The following A4GALT variants were observed in gnomAD, a reference collection of about 807,000 sequenced individuals.
A4GALT encodes lactosylceramide 4-alpha-galactosyltransferase.
For missense variants in A4GALT, 512 were observed against 486.0 expected (o/e 1.05, Z -0.50); for synonymous variants, 257 against 220.7 (o/e 1.16, Z -1.46).
intron 1 of A4GALT, among the ~76,000 whole-genome samples, chr22:42,713,830 AG>A (rs542736256): frequency 1.0e-5 from 1 of 97,592 alleles, no homozygotes; most frequent in Non-Finnish European, 2.5e-5. Flanking sequence ...AAAAAAAAAA[AG>A]ACAGACAGAC....
rs146048217 is a variant in A4GALT, at chr22:42,698,361, G to A, written c.-187-2730C>T. Among the ~76,000 whole-genome samples, 233 of 152,262 alleles carry A rather than the reference G, an allele frequency of 1.5e-3. 1 individual carries two copies. Among genetic ancestry groups the A allele is most frequent in the African/African-American group, 5.3e-3 (220 of 41,562 alleles). On this transcript the variant is annotated intron_variant, in intron 1 of 2. Transcript: ENST00000642412. ...ACCAGCTCTGCAGACCCCAACTAGG[G>A]GCATCAGCATCAGGGGCTAGGCCCA...
At chr22:42,715,252 C>G (rs767580527) in intron 1 of A4GALT, among the ~76,000 whole-genome samples, 3 of 151,942 alleles carry the variant, frequency 2.0e-5, no homozygotes, top group Admixed American at 6.6e-5. Context: ...TAGTTCCTGC[C>G]TTCATTTCAT....
At chr22:42,708,381 A>G (rs1921350007) in intron 1 of A4GALT, among the ~76,000 whole-genome samples, 2 of 151,722 alleles carry the variant, frequency 1.3e-5, no homozygotes, top group African/African-American at 2.4e-5. Flanking sequence ...TCCCTCTCAA[A>G]AAATAAAAAA....
At chr22:42,701,510 C>T (rs183500139) in intron 1 of A4GALT, among the ~76,000 whole-genome samples, 14 of 152,264 alleles carry the variant, frequency 9.2e-5, no homozygotes, top group African/African-American at 2.9e-4. Context: ...ATGCTCCCGC[C>T]GCAGCAGGAG....
At chr22:42,705,343 G>C (rs1920987746) in intron 1 of A4GALT, among the ~76,000 whole-genome samples, 1 of 152,222 alleles carries the variant, frequency 6.6e-6, no homozygotes, top group African/African-American at 2.4e-5. Context: ...GCTCATGCCT[G>C]TAATCTCAGC....
intron 1 of A4GALT, among the ~76,000 whole-genome samples, chr22:42,704,607 C>A (rs1311140991): frequency 1.3e-5 from 2 of 151,752 alleles, no homozygotes; most frequent in East Asian, 1.9e-4. Flanking sequence ...TCCTCCCAGG[C>A]CTTTAACACC....
chr22:42,717,413 T>C (rs940670990), intron 1 of A4GALT, among the ~76,000 whole-genome samples: 2 of 152,214 alleles, frequency 1.3e-5, no homozygotes, highest in South Asian at 2.1e-4. Flanking sequence ...CACCAAAGAC[T>C]GGGGCCCTCC....
chr22:42,715,045 G>GT (rs1922047245), intron 1 of A4GALT, among the ~76,000 whole-genome samples: 1 of 109,010 alleles, frequency 9.2e-6, no homozygotes, highest in Non-Finnish European at 2.1e-5. Context: ...TATGTGGGGT[G>GT]GGGGGGTTCC....
chr22:42,712,950 C>T lies in A4GALT; in HGVS notation c.-188+7847G>A, dbSNP rs148567978. 3.3e-5 allele frequency among the ~76,000 whole-genome samples: 5 copies of T among 152,200 alleles called. No homozygotes were observed. The East Asian group carries it at 9.7e-4, about 29-fold the overall frequency. On this transcript the variant is annotated intron_variant, in intron 1 of 2. Coordinates refer to ENST00000642412, the MANE Select transcript of A4GALT (RefSeq NM_017436.7). Reference sequence around the variant, plus strand: ...GTAGCAAAAGAGAGTGCTCATTCTCCCCCCGCTCCCCCAGCATCACCTACT... The same window carrying T: ...GTAGCAAAAGAGAGTGCTCATTCTCTCCCCGCTCCCCCAGCATCACCTACT...
Position 42,693,745 on chromosome 22 carries a change from T to TGGGG in A4GALT, c.203_206dup (p.Ser71ThrfsTer213). ...TGCCTGGAGTGGGGCCGTGGGAGGGTGGGGTGGGGGGTGTCAAGGTGGGGC... is the reference window on the plus strand; with the variant it reads ...TGCCTGGAGTGGGGCCGTGGGAGGGTGGGGGGGGTGGGGGGTGTCAAGGTGGGGC... On this transcript the variant is annotated frameshift_variant, in exon 3 of 3. Transcript: ENST00000642412. LOFTEE classifies it low-confidence loss of function (END_TRUNC). 8.3e-6 allele frequency: 2 copies of TGGGG among 241,944 alleles called. No individual in the cohort carries two copies. The highest frequency in any genetic ancestry group is 1.5e-5 in the Non-Finnish European group (2 of 130,834). 15.0% of individuals were successfully genotyped at this position (241,944 alleles called of 1,614,324 possible).
intron 1 of A4GALT, among the ~76,000 whole-genome samples, chr22:42,706,747 ATTACGCCACTG>A (rs1451492663): frequency 1.3e-5 from 2 of 151,538 alleles, no homozygotes; most frequent in Non-Finnish European, 2.9e-5. Flanking sequence ...GTGAGCCAAG[ATTACGCCACTG>A]CACTCCAGCC....
Position 42,693,528 on chromosome 22 carries a change from G to GC in A4GALT, c.423dup (p.Leu142AlafsTer141). 1.2e-6 allele frequency: 2 copies of GC among 1,613,382 alleles called. No individual in the cohort carries two copies. The highest frequency in any genetic ancestry group is 1.7e-6 in the Non-Finnish European group (2 of 1,180,006). On this transcript the variant is annotated frameshift_variant, in exon 3 of 3. Coordinates refer to ENST00000642412, the MANE Select transcript of A4GALT (RefSeq NM_017436.7). LOFTEE classifies it low-confidence loss of function (END_TRUNC). ...AACAGCTCCCGCAGGTCCAGCGGGA[G>GC]CATCTGGACATTCGGGAAGCAGCTC...
At chr22:42,709,483 C>T (rs1326158091) in intron 1 of A4GALT, among the ~76,000 whole-genome samples, 1 of 151,888 alleles carries the variant, frequency 6.6e-6, no homozygotes, top group Non-Finnish European at 1.5e-5. Context: ...AAATAGAATT[C>T]AGCAGCACAT....
chr22:42,702,763 T>A (rs1011963301), intron 1 of A4GALT, among the ~76,000 whole-genome samples: 1 of 143,652 alleles, frequency 7.0e-6, no homozygotes, highest in Non-Finnish European at 1.5e-5. Context: ...GGAGCCTTCG[T>A]GCAGATAAGG....
rs1472591404 is a variant in A4GALT at position 42,714,376 on chromosome 22, C to T, written c.-188+6421G>A. On this transcript the variant is annotated intron_variant, in intron 1 of 2. Coordinates refer to ENST00000642412, the MANE Select transcript of A4GALT (RefSeq NM_017436.7). ...GCCAAGGCGGGAGCATCACTTGAGCCCAGGAGTCCGGGACCAGCCTGGGCA... is the reference window on the plus strand; with the variant it reads ...GCCAAGGCGGGAGCATCACTTGAGCTCAGGAGTCCGGGACCAGCCTGGGCA... 3.3e-5 allele frequency among the ~76,000 whole-genome samples: 5 copies of T among 150,450 alleles called. No individual in the cohort carries two copies. The Admixed American group carries it at 3.3e-4, about 10-fold the overall frequency.
rs1248609912 is a variant in A4GALT, at chr22:42,705,817, A to T, written c.-187-10186T>A. On this transcript the variant is annotated intron_variant, in intron 1 of 2. Transcript: ENST00000642412. Reference sequence around the variant, plus strand: ...CTGGAGTTGGAGACCAGCCTGCCCAACAAGGTGAAACCCCATCTCCATTAA... The same window carrying T: ...CTGGAGTTGGAGACCAGCCTGCCCATCAAGGTGAAACCCCATCTCCATTAA... 2.4e-5 allele frequency among the ~76,000 whole-genome samples: 3 copies of T among 122,702 alleles called. No individual in the cohort carries two copies. In the East Asian group the frequency reaches 6.5e-4, roughly 27 times the overall value. 80.5% of individuals were successfully genotyped at this position (122,702 alleles called of 152,430 possible).
At position 42,693,322 on chromosome 22, in the gene A4GALT, G is replaced by C; in HGVS notation, c.630C>G (p.Thr210=). The C allele has an allele frequency of 6.2e-7, 1 of 1,613,110 alleles. No homozygotes were observed. The highest frequency in any genetic ancestry group is 8.5e-7 in the Non-Finnish European group (1 of 1,179,984). Residue 210 remains threonine (T), a synonymous_variant, in exon 3 of 3, where the codon ACC becomes ACG. Transcript: ENST00000642412. ...NLRNLTNVLG[T]QSRYVLNGAF... Reference sequence around the variant, plus strand: ...CGCCGTTGAGGACGTAGCGGGACTGGGTGCCCAGCACGTTGGTCAGGTTCC... The same window carrying C: ...CGCCGTTGAGGACGTAGCGGGACTGCGTGCCCAGCACGTTGGTCAGGTTCC...
chr22:42,700,022 G>A (rs564872488), intron 1 of A4GALT, among the ~76,000 whole-genome samples: 22 of 152,278 alleles, frequency 1.4e-4, no homozygotes, highest in Non-Finnish European at 2.6e-4. Flanking sequence ...GGAGAACCCC[G>A]ACTAACCCAG....
chr22:42,720,621 C>A (rs1375338428), intron 1 of A4GALT, among the ~76,000 whole-genome samples, 176 bp downstream of exon 1: 2 of 151,920 alleles, frequency 1.3e-5, no homozygotes, highest in Non-Finnish European at 2.9e-5. Flanking sequence ...CCGGGACCGC[C>A]GCGCGGGGTT....
Sources: allele counts gnomAD v4.1 joint callset (sites outside exome capture counted in the v4.1 genomes callset), GRCh38; gene constraint gnomAD v4.1.1; transcripts MANE v1.5; gene names NCBI Gene and HGNC (gene_info 2026-07-23, HGNC 2026-07-21).